Variants in MAGI1 observed in about 807,000 individuals in gnomAD.
MAGI1 encodes membrane associated guanylate kinase, WW and PDZ domain containing 1, also known as membrane-associated guanylate kinase, WW and PDZ domain-containing protein 1.
MAGI1 carries 58 observed loss-of-function variants against 139.9 expected under a neutral mutation model. The observed-to-expected ratio is 0.41, with a 90% CI of 0.34 to 0.52. The LOEUF is 0.52. Ranked by LOEUF, MAGI1 falls within the 20% of genes least tolerant of loss-of-function variation. The pLI is 0.12. For missense variants in MAGI1, 1,874 were observed against 1,901.6 expected, an observed-to-expected ratio of 0.99 and a Z score of 0.27; for synonymous variants, 812 against 737.9, an observed-to-expected ratio of 1.10 and a Z score of -1.63.
chr3:65,457,560 T>C (rs144413830), intron 5 of MAGI1, among the ~76,000 whole-genome samples: 2 of 152,344 alleles, frequency 1.3e-5, no homozygotes, highest in Non-Finnish European at 2.9e-5. Context: ...GATTGACACC[T>C]GTATTATTTT....
At chr3:65,491,136 A>G (rs1952003080) in intron 3 of MAGI1, among the ~76,000 whole-genome samples, 1 of 152,164 alleles carries the variant, frequency 6.6e-6, no homozygotes, top group Admixed American at 6.5e-5. Context: ...TCTTAGTTAT[A>G]TCTAGGATAT....
intron 9 of MAGI1, among the ~76,000 whole-genome samples, chr3:65,439,156 G>A (rs1948061694): frequency 6.6e-6 from 1 of 152,108 alleles, no homozygotes; most frequent in African/African-American, 2.4e-5. Context: ...AGGCATTCAT[G>A]AAATGGAATA....
intron 2 of MAGI1, among the ~76,000 whole-genome samples, chr3:65,593,154 T>A (rs1270827536): frequency 7.1e-6 from 1 of 141,784 alleles, no homozygotes; most frequent in African/African-American, 2.5e-5. Context: ...AAAAGGAGTT[T>A]AAATGTTTAC....
intron 1 of MAGI1, among the ~76,000 whole-genome samples, chr3:65,965,255 TG>T (rs2064682350): frequency 6.6e-6 from 1 of 152,236 alleles, no homozygotes; most frequent in South Asian, 2.1e-4. Flanking sequence ...TTCCATCATT[TG>T]CATCCCAGCC....
chr3:65,620,008 A>G lies in MAGI1; in HGVS notation c.430+1964T>C, dbSNP rs1014637723. On this transcript the variant is annotated intron_variant, in intron 2 of 22. Transcript: ENST00000402939. ...AAAGACAGAGTTCGTTTTTGCCCCA[A>G]TTCCTACATAGTGGTAAGCTTAAAA... The G allele has an allele frequency of 2.0e-5, 20 of 985,124 alleles. No individual in the cohort carries two copies. In the African/African-American group the frequency reaches 3.5e-4, roughly 17 times the overall value. The allele number at this position is 985,124 out of a possible 1,614,324, so 61.0% of individuals were successfully genotyped here.
intron 3 of MAGI1, among the ~76,000 whole-genome samples, chr3:65,486,493 A>C (rs1170733608): frequency 6.6e-6 from 1 of 152,152 alleles, no homozygotes; most frequent in African/African-American, 2.4e-5. Context: ...AAAAAAAGAA[A>C]AGCAAGGGAA....
At chr3:65,680,521 C>T (rs1162271502) in intron 1 of MAGI1, among the ~76,000 whole-genome samples, 2 of 152,110 alleles carry the variant, frequency 1.3e-5, no homozygotes, top group East Asian at 3.9e-4. Flanking sequence ...CTCAAGTGAT[C>T]CTCCTGCCTC....
intron 12 of MAGI1, chr3:65,401,852 C>T (rs145668330): frequency 1.2e-5 from 15 of 1,243,784 alleles, no homozygotes; most frequent in Non-Finnish European, 1.5e-5. Flanking sequence ...ACACGATCCA[C>T]TTGTCAATTG....
At chr3:65,719,806 CA>C (rs1354930677) in intron 1 of MAGI1, among the ~76,000 whole-genome samples, 1 of 152,148 alleles carries the variant, frequency 6.6e-6, no homozygotes, top group Non-Finnish European at 1.5e-5. Context: ...CTTGCTCTCC[CA>C]AAGTGCTGGG....
intron 1 of MAGI1, among the ~76,000 whole-genome samples, chr3:65,779,527 G>T (rs2038759327): frequency 6.6e-6 from 1 of 152,216 alleles, no homozygotes; most frequent in African/African-American, 2.4e-5. Flanking sequence ...GCAAACTTTA[G>T]AAAGGTAAAG....
intron 1 of MAGI1, among the ~76,000 whole-genome samples, chr3:65,868,479 T>C (rs1386597252): frequency 1.3e-5 from 2 of 152,132 alleles, no homozygotes; most frequent in Non-Finnish European, 2.9e-5. Flanking sequence ...ATTCACCACA[T>C]AACCTTCTAG....
chr3:65,782,278 T>A (rs1356286537), intron 1 of MAGI1, among the ~76,000 whole-genome samples: 2 of 152,100 alleles, frequency 1.3e-5, no homozygotes, highest in Non-Finnish European at 2.9e-5. Flanking sequence ...AAGATAAGAC[T>A]GTAGATGAAT....
intron 2 of MAGI1, among the ~76,000 whole-genome samples, chr3:65,601,051 C>G (rs1181350728): frequency 2.0e-5 from 3 of 152,154 alleles, no homozygotes; most frequent in Non-Finnish European, 4.4e-5. Context: ...GGGCATGGTA[C>G]TTAGATCTGA....
At chr3:65,757,500 C>T (rs1421045086) in intron 1 of MAGI1, among the ~76,000 whole-genome samples, 8 of 152,146 alleles carry the variant, frequency 5.3e-5, no homozygotes, top group East Asian at 1.9e-4. Flanking sequence ...TAGCTGGGCA[C>T]GGTGGTGCAC....
chr3:65,859,959 G>A (rs1290604784), intron 1 of MAGI1, among the ~76,000 whole-genome samples: 1 of 151,040 alleles, frequency 6.6e-6, no homozygotes, highest in African/African-American at 2.4e-5. Context: ...GCAATGGCGC[G>A]ATCTCGGCTC....
intron 1 of MAGI1, among the ~76,000 whole-genome samples, chr3:65,931,084 G>C (rs2062786263): frequency 7.1e-6 from 1 of 141,278 alleles, no homozygotes; most frequent in African/African-American, 2.4e-5. Flanking sequence ...CCAGGGTAGA[G>C]TGCAGTGGCA....
chr3:65,578,679 G>A (rs111340624), intron 2 of MAGI1, among the ~76,000 whole-genome samples: 12,308 of 152,214 alleles, frequency 0.081, 589 homozygotes, highest in East Asian at 0.16. Flanking sequence ...TAACACTTTG[G>A]GACGCCGAGG....
At chr3:65,548,511 CTTTT>C (rs1170215972) in intron 2 of MAGI1, among the ~76,000 whole-genome samples, 8 of 87,380 alleles carry the variant, frequency 9.2e-5, no homozygotes, top group African/African-American at 3.3e-4. Context: ...AAACAACACT[CTTTT>C]TTTTTTTTTT....
chr3:66,026,971 TA>T (rs1246643335), intron 1 of MAGI1, among the ~76,000 whole-genome samples: 1 of 151,440 alleles, frequency 6.6e-6, no homozygotes, highest in Admixed American at 6.6e-5. Flanking sequence ...TTCTTTTTCT[TA>T]AAAAAAGAGA....
Sources: allele counts gnomAD v4.1 joint callset (sites outside exome capture counted in the v4.1 genomes callset), GRCh38; gene constraint gnomAD v4.1.1; transcripts MANE v1.5; gene names NCBI Gene and HGNC (gene_info 2026-07-23, HGNC 2026-07-21).